TP63: variants seen among roughly 807,000 people sequenced by gnomAD.
TP63 encodes the protein tumor protein p63.
A neutral mutation model predicts 82.8 loss-of-function variants in TP63; 17 were observed. The ratio of observed to expected loss-of-function variants is 0.21; its 90% CI spans 0.14 to 0.31. The LOEUF (loss-of-function observed/expected upper bound fraction) is 0.31, where lower values mean the gene tolerates loss of function less well. Among genes scored for constraint, TP63 ranks in the 10% least tolerant of loss-of-function variants. The pLI is 1.00. For missense variants in TP63, 648 were observed against 895.3 expected (o/e 0.72, Z 3.52); for synonymous variants, 330 against 321.7 (o/e 1.03, Z -0.28).
intron 4 of TP63, among the ~76,000 whole-genome samples, chr3:189,841,251 T>A (rs1173685525): frequency 2.0e-5 from 3 of 152,222 alleles, no homozygotes; most frequent in Non-Finnish European, 4.4e-5. Flanking sequence ...GTAGTTTACT[T>A]AAGTCTCTGA....
At chr3:189,870,536 T>TG (rs1165408252) in intron 9 of TP63, among the ~76,000 whole-genome samples, 2 of 151,970 alleles carry the variant, frequency 1.3e-5, no homozygotes, top group East Asian at 3.9e-4. Flanking sequence ...GGGGGCCAGA[T>TG]GGGGGTGGGT....
intron 3 of TP63, among the ~76,000 whole-genome samples, chr3:189,787,665 A>G (rs1187345805): frequency 6.6e-6 from 1 of 152,058 alleles, no homozygotes; most frequent in African/African-American, 2.4e-5. Context: ...TTTTTAGTGG[A>G]TATCAATACT....
rs78954840 is a variant in TP63, at chr3:189,778,519, C to T, written c.325-29753C>T. On this transcript the variant is annotated intron_variant, in intron 3 of 13. Transcript: ENST00000264731. ...TTCCATTCTAGAGTCATAATGGAAT[C>T]GAAAGTAGAACTTGTCTGATGGGTG... Among the ~76,000 whole-genome samples, 8 of 152,256 alleles carry T rather than the reference C, an allele frequency of 5.3e-5. No individual in the cohort carries two copies. In the East Asian group the frequency reaches 1.5e-3, roughly 29 times the overall value.
intron 3 of TP63, among the ~76,000 whole-genome samples, chr3:189,750,652 T>TG (rs1329222896): frequency 6.6e-6 from 1 of 152,118 alleles, no homozygotes; most frequent in Admixed American, 6.5e-5. Context: ...AATAAAACGT[T>TG]GGACTCTGAT....
chr3:189,839,045 A>G (rs1713578356), intron 4 of TP63, among the ~76,000 whole-genome samples: 1 of 126,194 alleles, frequency 7.9e-6, no homozygotes. Flanking sequence ...TAAGCTAAAA[A>G]AAAAAAAAAA....
intron 4 of TP63, among the ~76,000 whole-genome samples, chr3:189,809,911 C>T (rs1727344429): frequency 6.6e-6 from 1 of 152,184 alleles, no homozygotes; most frequent in Non-Finnish European, 1.5e-5. Flanking sequence ...CTTACAGAAA[C>T]TTGTGTGTAG....
At chr3:189,711,401 A>G (rs1438095131) in intron 1 of TP63, among the ~76,000 whole-genome samples, 2 of 152,198 alleles carry the variant, frequency 1.3e-5, no homozygotes, top group African/African-American at 2.4e-5. Context: ...CAATGACAAC[A>G]TTAGTAAGAC....
chr3:189,816,643 A>T (rs565233432), intron 4 of TP63, among the ~76,000 whole-genome samples: 1 of 152,310 alleles, frequency 6.6e-6, no homozygotes, highest in Non-Finnish European at 1.5e-5. Flanking sequence ...AACAACTTCC[A>T]ATTCTTCAAA....
In TP63 at chr3:189,894,680, A is replaced by G; in HGVS notation, c.*178A>G. On this transcript the variant is annotated 3_prime_UTR_variant, in exon 14 of 14. Coordinates refer to ENST00000264731, the MANE Select transcript of TP63 (RefSeq NM_003722.5). Reference sequence around the variant, plus strand: ...ACATCTGACCTGGCATCTAATTCTGATTCTGGCTTTAAGCCTTCAAAACTA... The same window carrying G: ...ACATCTGACCTGGCATCTAATTCTGGTTCTGGCTTTAAGCCTTCAAAACTA... The G allele has an allele frequency of 2.6e-6, 2 of 764,588 alleles. No homozygotes were observed. Among genetic ancestry groups the G allele is most frequent in the Non-Finnish European group, 4.1e-6 (2 of 482,510 alleles). 47.4% of individuals were successfully genotyped at this position (764,588 alleles called of 1,614,324 possible). A position where few individuals can be genotyped will look rare whatever the true frequency, so the allele number is the denominator to read the frequency against.
intron 10 of TP63, among the ~76,000 whole-genome samples, chr3:189,882,798 C>T (rs750385538): frequency 5.9e-5 from 9 of 152,130 alleles, no homozygotes; most frequent in African/African-American, 1.7e-4. Flanking sequence ...AACCACTTCT[C>T]GCTTTTCAAT....
intron 4 of TP63, 45 bp from the exon 5 acceptor site, chr3:189,864,187 G>A (rs1577134817): frequency 1.2e-6 from 2 of 1,611,710 alleles, no homozygotes. Flanking sequence ...AATATCTCCT[G>A]TTGGTTCTCT....
At chr3:189,660,747 T>C (rs1169946263) in intron 1 of TP63, among the ~76,000 whole-genome samples, 1 of 152,018 alleles carries the variant, frequency 6.6e-6, no homozygotes, top group African/African-American at 2.4e-5. Flanking sequence ...CCTTCAACCG[T>C]GTTTTGTAGT....
intron 1 of TP63, among the ~76,000 whole-genome samples, chr3:189,663,521 C>CTT (rs397991949): frequency 0.11 from 9,424 of 84,404 alleles, 1,765 homozygotes; most frequent in Middle Eastern, 0.2. Flanking sequence ...TTCATTCATT[C>CTT]TTTTTTTTTT....
At chr3:189,683,641 A>T (rs1716166013) in intron 1 of TP63, among the ~76,000 whole-genome samples, 1 of 152,218 alleles carries the variant, frequency 6.6e-6, no homozygotes, top group African/African-American at 2.4e-5. Flanking sequence ...AGCATATTGA[A>T]TGTCCCACTA....
intron 1 of TP63, among the ~76,000 whole-genome samples, chr3:189,701,540 T>C (rs957925171): frequency 6.8e-6 from 1 of 147,552 alleles, no homozygotes; most frequent in African/African-American, 2.5e-5. Context: ...TATATATATA[T>C]ATATATGTAA....
the TP63 span, among the ~76,000 whole-genome samples, chr3:189,623,477 A>G: frequency 6.6e-6 from 1 of 152,230 alleles, no homozygotes; most frequent in African/African-American, 2.4e-5. Flanking sequence ...GGTCACAGCC[A>G]TGCCATAGTT....
chr3:189,874,238 T>C (rs1200181798), intron 10 of TP63, among the ~76,000 whole-genome samples: 3 of 151,972 alleles, frequency 2.0e-5, no homozygotes, highest in Admixed American at 2.0e-4. Context: ...CCTGGCAGAT[T>C]TTTTGTATTT....
intron 1 of TP63, among the ~76,000 whole-genome samples, chr3:189,680,148 C>G (rs1003469440): frequency 2.0e-5 from 3 of 151,738 alleles, no homozygotes; most frequent in African/African-American, 2.4e-5. Context: ...CATTGGAATT[C>G]TGGTAGGGAT....
rs369322700 is a variant in TP63, at chr3:189,807,471, A to G, written c.325-801A>G. On this transcript the variant is annotated intron_variant, in intron 3 of 13. Transcript: ENST00000264731. Reference sequence around the variant, plus strand: ...CATAGAAGACATAAAAACGTTTGGCAGAAGGAAATACATGAGCTAATGTAT... The same window carrying G: ...CATAGAAGACATAAAAACGTTTGGCGGAAGGAAATACATGAGCTAATGTAT... 1.4e-4 allele frequency among the ~76,000 whole-genome samples: 21 copies of G among 152,266 alleles called. 1 individual carries two copies. Among genetic ancestry groups the G allele is most frequent in the Admixed American group, 8.5e-4 (13 of 15,292 alleles).
Sources: gnomAD v4.1 joint callset for allele counts (sites outside exome capture counted in the v4.1 genomes callset) on GRCh38, gnomAD v4.1.1 for gene constraint, MANE v1.5 for transcripts, NCBI Gene and HGNC (gene_info 2026-07-23, HGNC 2026-07-21) for gene names.